OXR1: variants seen among roughly 807,000 people sequenced by gnomAD.
OXR1 encodes the protein oxidation resistance protein 1.
Under a neutral mutation model 104.6 loss-of-function variants are expected in OXR1, and 41 were observed. That is an observed-to-expected ratio of 0.39 (90% CI 0.31 to 0.51). OXR1 has a LOEUF of 0.51. Ranked by LOEUF, OXR1 falls within the 20% of genes least tolerant of loss-of-function variation. The pLI, the probability that OXR1 is intolerant of heterozygous loss-of-function variation, is 0.77. For missense variants in OXR1, 955 were observed against 1,031.9 expected, an observed-to-expected ratio of 0.93 and a Z score of 1.02; for synonymous variants, 348 against 348.4, an observed-to-expected ratio of 1.00 and a Z score of 0.01.
intron 2 of OXR1, among the ~76,000 whole-genome samples, chr8:106,389,402 T>C (rs1817507306): frequency 6.6e-6 from 1 of 152,214 alleles, no homozygotes; most frequent in Non-Finnish European, 1.5e-5. Context: ...TGACTGTGTT[T>C]TCTCATAAGA....
At chr8:106,403,810 C>T (rs1012556025) in intron 2 of OXR1, among the ~76,000 whole-genome samples, 1 of 152,206 alleles carries the variant, frequency 6.6e-6, no homozygotes, top group African/African-American at 2.4e-5. Flanking sequence ...CATTCCCACA[C>T]ATGTTCCCTG....
intron 3 of OXR1, among the ~76,000 whole-genome samples, chr8:106,675,723 G>A (rs546311443): frequency 3.3e-5 from 5 of 152,128 alleles, no homozygotes; most frequent in Non-Finnish European, 7.4e-5. Flanking sequence ...TTCTGAATAC[G>A]TGATCAGTTT....
chr8:106,564,504 CA>C (rs542847540), intron 3 of OXR1, among the ~76,000 whole-genome samples: 1 of 151,566 alleles, frequency 6.6e-6, no homozygotes, highest in East Asian at 1.9e-4. Context: ...GCCTACCAAC[CA>C]AAAAAAACCT....
intron 3 of OXR1, among the ~76,000 whole-genome samples, chr8:106,612,124 T>G (rs938423572): frequency 5.9e-5 from 9 of 152,084 alleles, no homozygotes; most frequent in African/African-American, 2.2e-4. Flanking sequence ...TGAGCTTTGC[T>G]TTTTCCCTTT....
chr8:106,727,153 A>T (rs1226427054), intron 11 of OXR1, among the ~76,000 whole-genome samples: 1 of 152,112 alleles, frequency 6.6e-6, no homozygotes, highest in Non-Finnish European at 1.5e-5. Flanking sequence ...TTGAATTTTT[A>T]AAATTTGTGA....
intron 6 of OXR1, among the ~76,000 whole-genome samples, chr8:106,686,161 A>G (rs969250889): frequency 7.2e-5 from 11 of 152,168 alleles, no homozygotes; most frequent in African/African-American, 2.7e-4. Flanking sequence ...AAAGGATTAC[A>G]CATTGGGTAC....
intron 2 of OXR1, among the ~76,000 whole-genome samples, chr8:106,370,256 G>T (rs1027992760): frequency 6.6e-6 from 1 of 152,198 alleles, no homozygotes; most frequent in Non-Finnish European, 1.5e-5. Flanking sequence ...TTTGTATCCT[G>T]AGACTGCGCT....
chr8:106,409,796 A>G (rs1033162995), intron 2 of OXR1, among the ~76,000 whole-genome samples: 1 of 152,208 alleles, frequency 6.6e-6, no homozygotes, highest in Non-Finnish European at 1.5e-5. Context: ...AAAAATAAGT[A>G]CATATGGCCT....
At chr8:106,734,384 A>G (rs1167920749) in intron 11 of OXR1, among the ~76,000 whole-genome samples, 1 of 152,054 alleles carries the variant, frequency 6.6e-6, no homozygotes, top group Non-Finnish European at 1.5e-5. Flanking sequence ...TCTTTAACAT[A>G]TTTTTTGAGA....
intron 2 of OXR1, among the ~76,000 whole-genome samples, chr8:106,381,045 G>A (rs1471583227): frequency 6.6e-6 from 1 of 152,122 alleles, no homozygotes; most frequent in Non-Finnish European, 1.5e-5. Flanking sequence ...ATATATGCAG[G>A]ATATTTAATT....
intron 2 of OXR1, among the ~76,000 whole-genome samples, chr8:106,371,634 C>G (rs1029533687): frequency 3.3e-5 from 5 of 152,152 alleles, no homozygotes; most frequent in African/African-American, 9.7e-5. Context: ...TTGATTTCTG[C>G]CTTAATTTCA....
At chr8:106,442,607 C>G (rs1266628475) in intron 2 of OXR1, among the ~76,000 whole-genome samples, 2 of 152,104 alleles carry the variant, frequency 1.3e-5, no homozygotes, top group Non-Finnish European at 2.9e-5. Flanking sequence ...TATTACTGAT[C>G]TATTCAGGGA....
At chr8:106,526,218 C>A (rs1028293262) in intron 3 of OXR1, among the ~76,000 whole-genome samples, 2 of 152,208 alleles carry the variant, frequency 1.3e-5, no homozygotes, top group Non-Finnish European at 1.5e-5. Flanking sequence ...TGTCTCAGCT[C>A]TAACTGGGAA....
chr8:106,402,746 A>G (rs1040156833), intron 2 of OXR1, among the ~76,000 whole-genome samples: 1 of 152,164 alleles, frequency 6.6e-6, no homozygotes, highest in African/African-American at 2.4e-5. Flanking sequence ...AATTTTTGAG[A>G]GTATGCTGGA....
At chr8:106,680,642 T>G (rs1475120864) in intron 4 of OXR1, among the ~76,000 whole-genome samples, 1 of 152,148 alleles carries the variant, frequency 6.6e-6, no homozygotes, top group African/African-American at 2.4e-5. Flanking sequence ...CCAATGTGAG[T>G]GGTCCCTTGT....
intron 2 of OXR1, among the ~76,000 whole-genome samples, chr8:106,429,893 G>A (rs990089733): frequency 6.6e-6 from 1 of 151,828 alleles, no homozygotes; most frequent in African/African-American, 2.4e-5. Context: ...ATTTTATTCA[G>A]TATATTTAAA....
chr8:106,666,355 T>C (rs992955833), intron 3 of OXR1, among the ~76,000 whole-genome samples: 15 of 152,224 alleles, frequency 9.9e-5, no homozygotes, highest in Non-Finnish European at 1.5e-4. Flanking sequence ...AGTATCTGAA[T>C]TGCAGCTAAT....
At position 106,395,996 on chromosome 8, in the gene OXR1, A is replaced by C. The variant is rs10087505; in HGVS notation, c.23+36360A>C. ...CCAATGGCCAAGACTGGAACCATTAAAGCAGCAAAATAAATAGAATAGTGC... is the reference window on the plus strand; with the variant it reads ...CCAATGGCCAAGACTGGAACCATTACAGCAGCAAAATAAATAGAATAGTGC... On this transcript the variant is annotated intron_variant, in intron 2 of 16. Transcript: ENST00000517566. Among the ~76,000 whole-genome samples the C allele has an allele frequency of 3.3e-5, 5 of 151,616 alleles. No homozygotes were observed. The East Asian group carries it at 9.7e-4, about 30-fold the overall frequency.
chr8:106,493,376 C>A (rs769835166), intron 2 of OXR1, among the ~76,000 whole-genome samples: 1 of 152,092 alleles, frequency 6.6e-6, no homozygotes, highest in Non-Finnish European at 1.5e-5. Flanking sequence ...CTTTTCCCTT[C>A]TTAACTCATT....
Sources: allele counts gnomAD v4.1 joint callset (sites outside exome capture counted in the v4.1 genomes callset), GRCh38; gene constraint gnomAD v4.1.1; transcripts MANE v1.5; gene names NCBI Gene and HGNC (gene_info 2026-07-23, HGNC 2026-07-21).